ACBD3: variants seen among roughly 807,000 people sequenced by gnomAD.
ACBD3 encodes the protein acyl-CoA binding domain containing 3.
Under a neutral mutation model 66.9 loss-of-function variants are expected in ACBD3, and 30 were observed. The ratio of observed to expected loss-of-function variants is 0.45; its 90% CI spans 0.34 to 0.61. The LOEUF is 0.61. Among genes scored for constraint, ACBD3 ranks in the 20% least tolerant of loss-of-function variants. ACBD3 has a pLI of 0.02. For synonymous variants in ACBD3, 278 were observed against 259.8 expected, an observed-to-expected ratio of 1.07 and a Z score of -0.68; for missense variants, 544 against 664.5, an observed-to-expected ratio of 0.82 and a Z score of 1.99.
Position 226,145,410 on chromosome 1 carries a change from T to C in ACBD3, c.*1200A>G, listed in dbSNP as rs2102770609. 1 of 152,560 alleles carries C rather than the reference T, an allele frequency of 6.6e-6. No homozygotes were observed. The highest frequency in any genetic ancestry group is 3.4e-3 in the Middle Eastern group (1 of 294). The allele number at this position is 152,560 out of a possible 1,614,324, so 9.5% of individuals were successfully genotyped here. A position where few individuals can be genotyped will look rare whatever the true frequency, so the allele number is the denominator to read the frequency against. ...GTGTATATTGCCATCTTTGTCATTTTCTATCTATACCACTCTCCCTTCTGA... is the reference window on the plus strand; with the variant it reads ...GTGTATATTGCCATCTTTGTCATTTCCTATCTATACCACTCTCCCTTCTGA... On this transcript the variant is annotated 3_prime_UTR_variant, in exon 8 of 8. Coordinates refer to ENST00000366812, the MANE Select transcript of ACBD3 (RefSeq NM_022735.4).
intron 4 of ACBD3, among the ~76,000 whole-genome samples, chr1:226,160,579 G>C (rs1426241886): frequency 6.6e-6 from 1 of 152,214 alleles, no homozygotes; most frequent in Non-Finnish European, 1.5e-5. Context: ...TGAGGGCCTG[G>C]ATTAGTTTGA....
chr1:226,175,091 C>CAAAAAAAAAAAAAAAAAAAAAAAAAA (rs35201518), intron 1 of ACBD3, among the ~76,000 whole-genome samples: 4 of 75,996 alleles, frequency 5.3e-5, no homozygotes, highest in South Asian at 4.8e-4. Context: ...GACTCCATCT[C>CAAAAAAAAAAAAAAAAAAAAAAAAAA]AAAAAAAAAA....
rs546836230 is a variant in ACBD3 at position 226,174,936 on chromosome 1, T to TA, written c.287-8937dup. Reference sequence around the variant, plus strand: ...GGTGAAACCCCATCTCTACTAAAAATAAAAAAAAAATAGCCCGGCATGGTG... The same window carrying TA: ...GGTGAAACCCCATCTCTACTAAAAATAAAAAAAAAAATAGCCCGGCATGGTG... On this transcript the variant is annotated intron_variant, in intron 1 of 7. Coordinates refer to ENST00000366812, the MANE Select transcript of ACBD3 (RefSeq NM_022735.4). Among the ~76,000 whole-genome samples the TA allele has an allele frequency of 3.6e-3, 511 of 142,300 alleles. 1 individual carries two copies. Among genetic ancestry groups the TA allele is most frequent in the Admixed American group, 7.6e-3 (108 of 14,198 alleles). 93.4% of individuals were successfully genotyped at this position (142,300 alleles called of 152,430 possible). A position where few individuals can be genotyped will look rare whatever the true frequency, so the allele number is the denominator to read the frequency against.
rs909455118 is a variant in ACBD3 at position 226,186,486 on chromosome 1, C to A, written c.190G>T (p.Ala64Ser). Residue 64 changes from alanine to serine, a missense_variant, in exon 1 of 8, where the codon GCG (alanine) becomes TCG (serine). Around this residue, in one of 3 missense-constraint regions of ACBD3, gnomAD observed 137 missense variants for 145.9 expected, o/e 0.94. Coordinates refer to ENST00000366812, the MANE Select transcript of ACBD3 (RefSeq NM_022735.4). ...GCCTCCTCCGCCGCGCCCCCAGCCG[C>A]CGCCTCCCCGGGCTCGGGCTGCTCC... Reference protein sequence around the residue: ...SGEQPEPGEAAAGGAAEEARR... With the variant: ...SGEQPEPGEASAGGAAEEARR... 7 of 1,488,944 alleles carry A rather than the reference C, an allele frequency of 4.7e-6. No homozygotes were observed. In the African/African-American group the frequency reaches 1.0e-4, roughly 22 times the overall value. The allele number at this position is 1,488,944 out of a possible 1,614,324, so 92.2% of individuals were successfully genotyped here.
Position 226,152,546 on chromosome 1 carries a change from C to CTGAA in ACBD3, c.1160_1163dup (p.Gln388HisfsTer25). On this transcript the variant is annotated frameshift_variant, in exon 7 of 8. Transcript: ENST00000366812. LOFTEE classifies it high-confidence loss of function. ...CTGTAATCACGGAATCTGCATCCTG[C>CTGAA]TGAATCTTCTCTTTGAAGTCTTTGA... 1 of 1,614,236 alleles carries CTGAA rather than the reference C, an allele frequency of 6.2e-7. No individual in the cohort carries two copies. The highest frequency in any genetic ancestry group is 8.5e-7 in the Non-Finnish European group (1 of 1,180,046).
intron 2 of ACBD3, among the ~76,000 whole-genome samples, 163 bp from the exon 3 acceptor site, chr1:226,165,092 C>A (rs1006422785): frequency 6.6e-6 from 1 of 152,172 alleles, no homozygotes; most frequent in South Asian, 2.1e-4. Context: ...TATTGATTTA[C>A]TAAATTAGAT....
intron 6 of ACBD3, among the ~76,000 whole-genome samples, chr1:226,154,401 T>C (rs1382709243): frequency 6.6e-6 from 1 of 150,474 alleles, no homozygotes; most frequent in Admixed American, 6.7e-5. Context: ...AATAGATAAT[T>C]TATATATATA....
intron 3 of ACBD3, among the ~76,000 whole-genome samples, chr1:226,163,912 G>A (rs941766442): frequency 1.3e-5 from 2 of 152,058 alleles, no homozygotes; most frequent in African/African-American, 4.8e-5. Flanking sequence ...CCTGAGGTCA[G>A]GAGTTTGAGA....
rs773819254 is a variant in ACBD3, at chr1:226,164,836, T to C, written c.522A>G (p.Thr174=). ...TCTCTATTTTGTGGGACGCAACATA[T>C]GTTGAAAAGAGATGGCAACACCTAT... ...LLNRCCHLFS[T]YVASHKIEKE... The change falls in exon 3 of 8, where the codon ACA becomes ACG. Residue 174 remains threonine (T), a synonymous_variant. Transcript: ENST00000366812. 1.2e-5 allele frequency: 19 copies of C among 1,611,444 alleles called. No individual in the cohort carries two copies. The highest frequency in any genetic ancestry group is 4.0e-5 in the African/African-American group (3 of 74,868).
At chr1:226,185,614 C>T (rs1656280480) in intron 1 of ACBD3, among the ~76,000 whole-genome samples, 1 of 144,222 alleles carries the variant, frequency 6.9e-6, no homozygotes, top group Admixed American at 6.8e-5. Context: ...AAGTGAATCA[C>T]CCAATTAAAA....
At chr1:226,174,268 T>C (rs1378775712) in intron 1 of ACBD3, among the ~76,000 whole-genome samples, 2 of 152,202 alleles carry the variant, frequency 1.3e-5, no homozygotes, top group South Asian at 2.1e-4. Context: ...CTTGCACTCA[T>C]TAATTATTAA....
chr1:226,154,991 G>T, intron 5 of ACBD3, 158 bp from the exon 6 acceptor site: 2 of 455,260 alleles, frequency 4.4e-6, no homozygotes, highest in Non-Finnish European at 3.7e-6. Context: ...TGTCTATAAT[G>T]AATATTATTA....
rs763952551 is a variant in ACBD3 at position 226,146,342 on chromosome 1, T to C, written c.*268A>G. The C allele has an allele frequency of 5.3e-6, 2 of 380,690 alleles. No homozygotes were observed. Among genetic ancestry groups the C allele is most frequent in the Non-Finnish European group, 9.6e-6 (2 of 208,732 alleles). 23.6% of individuals were successfully genotyped at this position (380,690 alleles called of 1,614,324 possible). On this transcript the variant is annotated 3_prime_UTR_variant, in exon 8 of 8. Transcript: ENST00000366812. Reference sequence around the variant, plus strand: ...TTTTGGAGACTTTAAATATTTAACATGTAGCTCATGTAACTTCAGCATCCA... The same window carrying C: ...TTTTGGAGACTTTAAATATTTAACACGTAGCTCATGTAACTTCAGCATCCA...
intron 1 of ACBD3, among the ~76,000 whole-genome samples, chr1:226,169,981 A>AGG (rs1659960235): frequency 1.4e-5 from 2 of 139,348 alleles, no homozygotes; most frequent in Admixed American, 1.6e-4. Flanking sequence ...AAATCATACC[A>AGG]CTGCACTCCA....
chr1:226,149,198 AAC>A (rs1576227963), intron 7 of ACBD3, among the ~76,000 whole-genome samples: 1 of 152,074 alleles, frequency 6.6e-6, no homozygotes, highest in African/African-American at 2.4e-5. Flanking sequence ...CCAACTTCTG[AAC>A]AGAGAATTCT....
At chr1:226,177,807 G>A (rs188031979) in intron 1 of ACBD3, among the ~76,000 whole-genome samples, 8 of 151,252 alleles carry the variant, frequency 5.3e-5, no homozygotes, top group Admixed American at 2.6e-4. Context: ...GCAGTGGCAC[G>A]ATCTCACTCA....
rs755314713 is a variant in ACBD3, at chr1:226,146,833, G to C, written c.1376-12C>G. 7.4e-6 allele frequency: 12 copies of C among 1,612,288 alleles called. No individual in the cohort carries two copies. The highest frequency in any genetic ancestry group is 6.6e-5 in the South Asian group (6 of 91,022). On this transcript the variant is annotated splice_polypyrimidine_tract_variant and intron_variant, in intron 7 of 7. Transcript: ENST00000366812. The stretch of plus-strand genomic sequence containing the variant: ...ACAACCGATGTTTTCTGTAAGAACA[G>C]AGACAAGTCAATGAACAGATTCAGG...
At chr1:226,169,980 C>CTGTTT (rs1659960129) in intron 1 of ACBD3, among the ~76,000 whole-genome samples, 2 of 146,252 alleles carry the variant, frequency 1.4e-5, no homozygotes, top group Admixed American at 1.4e-4. Flanking sequence ...TAAATCATAC[C>CTGTTT]ACTGCACTCC....
In ACBD3 at chr1:226,186,664, C is replaced by A; in HGVS notation, c.12G>T (p.Val4=). 1 of 1,505,308 alleles carries A rather than the reference C, an allele frequency of 6.6e-7. No homozygotes were observed. Among genetic ancestry groups the A allele is most frequent in the Non-Finnish European group, 8.8e-7 (1 of 1,132,762 alleles). The allele number at this position is 1,505,308 out of a possible 1,614,324, so 93.2% of individuals were successfully genotyped here. ...ACACCTCGAGTCGCTCTGCGTTCAG[C>A]ACCGCCGCCATCTCCGGCTGCTGCA... MAA[V]LNAERLEVSV... is the part of the protein sequence containing the mutation. Residue 4 remains valine, a synonymous_variant, in exon 1 of 8, where the codon GTG becomes GTT. Transcript: ENST00000366812.
Sources: allele counts gnomAD v4.1 joint callset (sites outside exome capture counted in the v4.1 genomes callset), GRCh38; gene constraint gnomAD v4.1.1; regional missense constraint gnomAD v4.1.1; transcripts MANE v1.5; gene names NCBI Gene and HGNC (gene_info 2026-07-23, HGNC 2026-07-21).